The following PRR16 variants were observed in gnomAD, a reference collection of about 807,000 sequenced individuals.
PRR16 encodes the protein protein Largen.
PRR16 carries 6 observed loss-of-function variants against 18.2 expected under a neutral mutation model. That is an observed-to-expected ratio of 0.33 (90% CI 0.18 to 0.65). The LOEUF (loss-of-function observed/expected upper bound fraction) is 0.65. Among genes scored for constraint, PRR16 ranks in the 30% least tolerant of loss-of-function variants. The probability of loss-of-function intolerance (pLI) is 0.74; values close to 1 mark genes in which losing one functional copy is unlikely to be tolerated. For missense variants in PRR16, 412 were observed against 376.6 expected (o/e 1.09, Z -0.78); for synonymous variants, 151 against 147.8 (o/e 1.02, Z -0.16).
chr5:120,578,751 G>C (rs140930854), intron 1 of PRR16, among the ~76,000 whole-genome samples: 44 of 152,208 alleles, frequency 2.9e-4, no homozygotes, highest in African/African-American at 1.0e-3. Flanking sequence ...ATATTCCTTT[G>C]GGTATATAGA....
chr5:120,606,573 A>T (rs1754160176), intron 1 of PRR16, among the ~76,000 whole-genome samples: 1 of 152,118 alleles, frequency 6.6e-6, no homozygotes, highest in African/African-American at 2.4e-5. Flanking sequence ...AATCACCTAA[A>T]GTCACTTTGG....
intron 1 of PRR16, among the ~76,000 whole-genome samples, chr5:120,543,838 T>C (rs1751992015): frequency 6.6e-6 from 1 of 152,198 alleles, no homozygotes. Flanking sequence ...TTACACTAAC[T>C]CTGTGATCTC....
chr5:120,610,803 A>C (rs922136710), intron 1 of PRR16, among the ~76,000 whole-genome samples: 3 of 152,164 alleles, frequency 2.0e-5, no homozygotes, highest in Admixed American at 2.0e-4. Context: ...AATTGGTACC[A>C]ATAGAGTGGG....
chr5:120,472,581 G>A (rs1188385564), intron 1 of PRR16, among the ~76,000 whole-genome samples: 2 of 152,138 alleles, frequency 1.3e-5, no homozygotes, highest in Non-Finnish European at 2.9e-5. Flanking sequence ...GACAAAACAA[G>A]TGGTTGATTG....
the PRR16 span, among the ~76,000 whole-genome samples, chr5:120,762,764 C>T: frequency 6.6e-6 from 1 of 152,094 alleles, no homozygotes; most frequent in Non-Finnish European, 1.5e-5. Flanking sequence ...CTTTGTTGTG[C>T]AGAGGCATTT....
chr5:120,532,139 G>C (rs1335655634), intron 1 of PRR16, among the ~76,000 whole-genome samples: 1 of 152,036 alleles, frequency 6.6e-6, no homozygotes, highest in Non-Finnish European at 1.5e-5. Context: ...AAATCCTATG[G>C]GTTGCGATCC....
chr5:120,718,610 C>A, the PRR16 span, among the ~76,000 whole-genome samples: 1 of 151,922 alleles, frequency 6.6e-6, no homozygotes, highest in Non-Finnish European at 1.5e-5. Context: ...ACCACCTATA[C>A]CTAAAGTTGT....
At chr5:120,669,122 A>G (rs929078615) in intron 1 of PRR16, among the ~76,000 whole-genome samples, 2 of 152,182 alleles carry the variant, frequency 1.3e-5, no homozygotes, top group East Asian at 1.9e-4. Flanking sequence ...TTAAGCAAAC[A>G]GTCTCAAAAT....
At chr5:120,743,318 G>T in the PRR16 span, among the ~76,000 whole-genome samples, 1 of 151,328 alleles carries the variant, frequency 6.6e-6, no homozygotes. Flanking sequence ...ATTTAGTTTT[G>T]AGAAGCTTTT....
chr5:120,547,898 A>G (rs1379072569), intron 1 of PRR16, among the ~76,000 whole-genome samples: 2 of 152,076 alleles, frequency 1.3e-5, no homozygotes, highest in Non-Finnish European at 2.9e-5. Flanking sequence ...TAGATGAGAC[A>G]TGTTATTCAA....
chr5:120,486,672 T>C (rs1234403219), intron 1 of PRR16, among the ~76,000 whole-genome samples: 1 of 152,236 alleles, frequency 6.6e-6, no homozygotes, highest in Non-Finnish European at 1.5e-5. Context: ...TTGCCATTTT[T>C]GTCTTTTGTT....
chr5:120,772,156 T>A, the PRR16 span, among the ~76,000 whole-genome samples: 1 of 152,124 alleles, frequency 6.6e-6, no homozygotes, highest in Admixed American at 6.6e-5. Context: ...AGTAAATGAA[T>A]CTTTTCAAAT....
intron 1 of PRR16, among the ~76,000 whole-genome samples, chr5:120,677,162 C>T (rs570203893): frequency 6.6e-6 from 1 of 152,252 alleles, no homozygotes; most frequent in Non-Finnish European, 1.5e-5. Flanking sequence ...TGCTTATTTT[C>T]ATCCTGTCAG....
intron 1 of PRR16, among the ~76,000 whole-genome samples, chr5:120,547,289 A>G (rs988273429): frequency 7.9e-5 from 12 of 152,060 alleles, no homozygotes; most frequent in African/African-American, 2.9e-4. Flanking sequence ...ACCATTATCC[A>G]TTTCCAAGGC....
chr5:120,630,525 A>G (rs1159245568), intron 1 of PRR16, among the ~76,000 whole-genome samples: 2 of 151,864 alleles, frequency 1.3e-5, no homozygotes, highest in African/African-American at 4.8e-5. Flanking sequence ...GGTTCTATAT[A>G]TTTGAACCCC....
chr5:120,518,724 C>T lies in PRR16; in HGVS notation c.159+54079C>T, dbSNP rs75857099. Reference sequence around the variant, plus strand: ...GGCAAGATGACTACATTTTGAACAACGGGTCTGAACAGAGGTGATGTGTGT... The same window carrying T: ...GGCAAGATGACTACATTTTGAACAATGGGTCTGAACAGAGGTGATGTGTGT... On this transcript the variant is annotated intron_variant, in intron 1 of 1. Transcript: ENST00000407149. 3.3e-3 allele frequency among the ~76,000 whole-genome samples: 507 copies of T among 152,118 alleles called. 3 individuals are homozygous for T. The highest frequency in any genetic ancestry group is 0.011 in the African/African-American group (467 of 41,502).
intron 1 of PRR16, among the ~76,000 whole-genome samples, chr5:120,587,245 A>G (rs572662817): frequency 4.6e-5 from 7 of 152,198 alleles, no homozygotes; most frequent in Non-Finnish European, 7.3e-5. Flanking sequence ...AGTGCAATAT[A>G]AAGCAGCAGC....
chr5:120,560,731 G>T (rs916263769), intron 1 of PRR16, among the ~76,000 whole-genome samples: 1 of 151,636 alleles, frequency 6.6e-6, no homozygotes, highest in Non-Finnish European at 1.5e-5. Context: ...TAAATGTTTG[G>T]CAGAATTCAG....
chr5:120,774,284 G>A, the PRR16 span, among the ~76,000 whole-genome samples: 1 of 152,148 alleles, frequency 6.6e-6, no homozygotes, highest in African/African-American at 2.4e-5. Flanking sequence ...CAGGAGAAAA[G>A]ATTGTGTTGT....
Sources: gnomAD v4.1 joint callset for allele counts (sites outside exome capture counted in the v4.1 genomes callset) on GRCh38, gnomAD v4.1.1 for gene constraint, MANE v1.5 for transcripts, NCBI Gene and HGNC (gene_info 2026-07-23, HGNC 2026-07-21) for gene names.